SEMA5A: variants seen among roughly 807,000 people sequenced by gnomAD.
The protein encoded by SEMA5A is semaphorin-5A.
Under a neutral mutation model 135.5 loss-of-function variants are expected in SEMA5A, and 55 were observed. That is an observed-to-expected ratio of 0.41 (90% CI 0.33 to 0.51). The LOEUF (loss-of-function observed/expected upper bound fraction) is 0.51, where lower values mean the gene tolerates loss of function less well. SEMA5A is among the 20% of genes least tolerant of loss of function. The probability of loss-of-function intolerance (pLI) is 0.37; values close to 1 mark genes in which losing one functional copy is unlikely to be tolerated. For missense variants in SEMA5A, 1,290 were observed against 1,419.9 expected (o/e 0.91, Z 1.47); for synonymous variants, 580 against 546.5 (o/e 1.06, Z -0.85).
At chr5:9,183,103 T>C (rs867779800) in intron 11 of SEMA5A, among the ~76,000 whole-genome samples, 2 of 152,102 alleles carry the variant, frequency 1.3e-5, no homozygotes, top group South Asian at 2.1e-4. Context: ...GCTAATGCAT[T>C]ACTGGGGGTG....
chr5:9,301,886 G>A (rs1751627941), intron 5 of SEMA5A, among the ~76,000 whole-genome samples: 1 of 152,194 alleles, frequency 6.6e-6, no homozygotes, highest in Non-Finnish European at 1.5e-5. Context: ...CACAGTTCTG[G>A]AGAGAAGTCA....
intron 18 of SEMA5A, among the ~76,000 whole-genome samples, chr5:9,061,809 GT>G (rs60819313): frequency 0.013 from 1,932 of 152,294 alleles, 55 homozygotes; most frequent in African/African-American, 0.044. Flanking sequence ...GGAGAGAAGA[GT>G]TTGCGTCTTT....
intron 16 of SEMA5A, among the ~76,000 whole-genome samples, chr5:9,081,492 T>G (rs1738382227): frequency 6.6e-6 from 1 of 152,160 alleles, no homozygotes; most frequent in African/African-American, 2.4e-5. Context: ...AGTTTCCCAC[T>G]GGCAAGGAAT....
intron 12 of SEMA5A, among the ~76,000 whole-genome samples, chr5:9,142,588 A>C (rs983214114): frequency 6.6e-6 from 1 of 152,198 alleles, no homozygotes; most frequent in African/African-American, 2.4e-5. Flanking sequence ...CCCTTCCCTA[A>C]TTCCTATGAA....
chr5:9,243,088 TG>T (rs1452886306), intron 5 of SEMA5A, among the ~76,000 whole-genome samples: 1 of 152,238 alleles, frequency 6.6e-6, no homozygotes, highest in South Asian at 2.1e-4. Flanking sequence ...GAGTTGACAA[TG>T]TATTCATTCC....
At chr5:9,479,532 G>A (rs1020329310) in intron 1 of SEMA5A, among the ~76,000 whole-genome samples, 1 of 152,170 alleles carries the variant, frequency 6.6e-6, no homozygotes. Context: ...TTCCTCATCT[G>A]TAACATCTAC....
chr5:9,192,991 G>A (rs1745197627), intron 10 of SEMA5A, among the ~76,000 whole-genome samples: 1 of 146,980 alleles, frequency 6.8e-6, no homozygotes, highest in South Asian at 2.2e-4. Flanking sequence ...CAGGGGTGAG[G>A]CAGGATCACT....
At chr5:9,330,265 C>A (rs1753067378) in intron 4 of SEMA5A, among the ~76,000 whole-genome samples, 1 of 151,924 alleles carries the variant, frequency 6.6e-6, no homozygotes, top group Non-Finnish European at 1.5e-5. Context: ...TAGCGGGCGC[C>A]TGTAGTCCCA....
intron 2 of SEMA5A, among the ~76,000 whole-genome samples, chr5:9,401,839 C>T (rs544547290): frequency 6.6e-6 from 1 of 152,326 alleles, no homozygotes; most frequent in African/African-American, 2.4e-5. Context: ...CTGCTCCCAA[C>T]TGTCACCATT....
chr5:9,153,333 T>C (rs1202077830), intron 12 of SEMA5A, among the ~76,000 whole-genome samples: 2 of 152,224 alleles, frequency 1.3e-5, no homozygotes, highest in Admixed American at 6.5e-5. Flanking sequence ...AGAGTGTATA[T>C]ACAATCTCCC....
At chr5:9,081,401 T>A (rs371265031) in intron 16 of SEMA5A, among the ~76,000 whole-genome samples, 3 of 152,284 alleles carry the variant, frequency 2.0e-5, no homozygotes, top group East Asian at 3.9e-4. Context: ...AACCCTAATA[T>A]ACATTTATGT....
chr5:9,163,094 A>T (rs1743383675), intron 11 of SEMA5A, among the ~76,000 whole-genome samples: 3 of 152,168 alleles, frequency 2.0e-5, no homozygotes, highest in Admixed American at 1.3e-4. Flanking sequence ...ATGTATAGAC[A>T]TGTGCTTATC....
chr5:9,226,460 G>C (rs116818950), intron 7 of SEMA5A, among the ~76,000 whole-genome samples: 1 of 151,954 alleles, frequency 6.6e-6, no homozygotes, highest in Non-Finnish European at 1.5e-5. Context: ...CCAATTTGTA[G>C]GCTAATTTTT....
chr5:9,278,900 G>C (rs1468208058), intron 5 of SEMA5A, among the ~76,000 whole-genome samples: 1 of 152,224 alleles, frequency 6.6e-6, no homozygotes, highest in African/African-American at 2.4e-5. Context: ...TCTGCTGCAG[G>C]GGTGGACCCC....
chr5:9,279,145 G>T (rs1561101248), intron 5 of SEMA5A, among the ~76,000 whole-genome samples: 1 of 152,234 alleles, frequency 6.6e-6, no homozygotes. Context: ...AGCCACAGGG[G>T]CAGAGCTGCC....
chr5:9,266,535 G>T (rs147694418), intron 5 of SEMA5A, among the ~76,000 whole-genome samples: 1 of 152,288 alleles, frequency 6.6e-6, no homozygotes, highest in East Asian at 1.9e-4. Flanking sequence ...GGCTAAATTA[G>T]AAACTTTTAT....
At chr5:9,401,839 C>A (rs544547290) in intron 2 of SEMA5A, among the ~76,000 whole-genome samples, 1 of 152,208 alleles carries the variant, frequency 6.6e-6, no homozygotes, top group African/African-American at 2.4e-5. Flanking sequence ...CTGCTCCCAA[C>A]TGTCACCATT....
At chr5:9,234,234 G>A (rs1268234604) in intron 6 of SEMA5A, among the ~76,000 whole-genome samples, 2 of 152,162 alleles carry the variant, frequency 1.3e-5, no homozygotes, top group Admixed American at 1.3e-4. Flanking sequence ...GAGTTCAGGG[G>A]GCAGTCCTTC....
intron 5 of SEMA5A, among the ~76,000 whole-genome samples, chr5:9,300,409 C>T (rs963751859): frequency 2.0e-5 from 3 of 152,156 alleles, no homozygotes; most frequent in African/African-American, 7.2e-5. Context: ...ACCTACATTT[C>T]CATAGTGCTG....
Sources: gnomAD v4.1 joint callset for allele counts (sites outside exome capture counted in the v4.1 genomes callset) on GRCh38, gnomAD v4.1.1 for gene constraint, MANE v1.5 for transcripts, NCBI Gene and HGNC (gene_info 2026-07-23, HGNC 2026-07-21) for gene names.